Variants in ZFHX3 observed in about 807,000 individuals in gnomAD.
The protein encoded by ZFHX3 is zinc finger homeobox protein 3.
Under a neutral mutation model 279.1 loss-of-function variants are expected in ZFHX3, and 42 were observed. The ratio of observed to expected loss-of-function variants is 0.15; its 90% CI spans 0.12 to 0.19. ZFHX3 has a LOEUF of 0.19. Among genes scored for constraint, ZFHX3 ranks in the 10% least tolerant of loss-of-function variants. The pLI, the probability that ZFHX3 is intolerant of heterozygous loss-of-function variation, is 1.00. For missense variants in ZFHX3, 4,981 were observed against 4,754.0 expected, an observed-to-expected ratio of 1.05 and a Z score of -1.40; for synonymous variants, 2,293 against 1,957.8, an observed-to-expected ratio of 1.17 and a Z score of -4.52.
At chr16:73,205,376 G>A (rs1567417996) in intron 5 of ZFHX3, among the ~76,000 whole-genome samples, 1 of 152,154 alleles carries the variant, frequency 6.6e-6, no homozygotes, top group Non-Finnish European at 1.5e-5. Flanking sequence ...CGCAACACAA[G>A]ACTGATTGTA....
At chr16:73,440,318 T>C (rs990150079) in intron 3 of ZFHX3, among the ~76,000 whole-genome samples, 16 of 152,188 alleles carry the variant, frequency 1.1e-4, no homozygotes, top group African/African-American at 3.9e-4. Context: ...CAAACGAGTG[T>C]GTCCAAGAGG....
intron 2 of ZFHX3, among the ~76,000 whole-genome samples, chr16:73,540,436 G>T (rs2143748128): frequency 6.6e-6 from 1 of 152,238 alleles, no homozygotes; most frequent in East Asian, 1.9e-4. Context: ...AAAGATCCCA[G>T]CTCCTAACTT....
chr16:73,609,481 C>G (rs1344566906), intron 2 of ZFHX3: 1 of 152,112 alleles, frequency 6.6e-6, no homozygotes, highest in African/African-American at 2.4e-5. Flanking sequence ...AGGAGTTTTC[C>G]TTTAGAATGC....
chr16:73,879,359 AT>A (rs924983620), intron 1 of ZFHX3, among the ~76,000 whole-genome samples: 12 of 151,134 alleles, frequency 7.9e-5, no homozygotes, highest in African/African-American at 2.9e-4. Context: ...ATATGTTCTT[AT>A]GCGGTATGGG....
intron 4 of ZFHX3, among the ~76,000 whole-genome samples, chr16:72,858,478 C>T (rs1041100763): frequency 6.6e-5 from 10 of 152,218 alleles, no homozygotes; most frequent in African/African-American, 1.7e-4. Flanking sequence ...AAGAGAGAGT[C>T]GACTGCACTT....
Position 72,785,498 on chromosome 16 carries a change from GT to G in ZFHX3, c.*1665del, listed in dbSNP as rs944154351. The G allele has an allele frequency of 6.6e-6, 1 of 152,514 alleles. No individual in the cohort carries two copies. Among genetic ancestry groups the G allele is most frequent in the Non-Finnish European group, 1.5e-5 (1 of 68,000 alleles). 9.4% of individuals were successfully genotyped at this position (152,514 alleles called of 1,614,324 possible). ...GCACATAACAACCTGGGAATCTTTT[GT>G]TTTTCTCTTTCTTTTATTAAACTAA... On this transcript the variant is annotated 3_prime_UTR_variant, in exon 10 of 10. Coordinates refer to ENST00000268489, the MANE Select transcript of ZFHX3 (RefSeq NM_006885.4).
chr16:73,682,322 A>C (rs2053018653), intron 1 of ZFHX3, among the ~76,000 whole-genome samples: 1 of 152,150 alleles, frequency 6.6e-6, no homozygotes, highest in South Asian at 2.1e-4. Flanking sequence ...AATAAAATAC[A>C]TTTTCTTATA....
chr16:73,577,544 A>G (rs953443275), intron 2 of ZFHX3, among the ~76,000 whole-genome samples: 11 of 152,168 alleles, frequency 7.2e-5, no homozygotes, highest in Non-Finnish European at 1.5e-5. Context: ...GTTTTAATTA[A>G]TCACTTCCGC....
chr16:73,068,697 G>A (rs1965786470), intron 8 of ZFHX3, among the ~76,000 whole-genome samples: 1 of 152,218 alleles, frequency 6.6e-6, no homozygotes, highest in Non-Finnish European at 1.5e-5. Flanking sequence ...AGGAAGGGAT[G>A]ATCAGATGAC....
At chr16:72,841,579 T>A (rs937368182) in intron 4 of ZFHX3, among the ~76,000 whole-genome samples, 7 of 152,128 alleles carry the variant, frequency 4.6e-5, no homozygotes, top group Non-Finnish European at 8.8e-5. Context: ...GAAACGGTCT[T>A]TTGCTAGGGT....
Position 72,797,052 on chromosome 16 carries a change from T to C in ZFHX3, c.5630A>G (p.Lys1877Arg). 6.2e-7 allele frequency: 1 copy of C among 1,614,132 alleles called. No individual in the cohort carries two copies. Among genetic ancestry groups the C allele is most frequent in the Non-Finnish European group, 8.5e-7 (1 of 1,180,030 alleles). ...LLQPSQHPEK[K>R]NKLVIKEKEK... ...CTTTTCTTTGATGACCAATTTGTTC[T>C]TCTTTTCGGGGTGCTGGCTTGGCTG... is the stretch of plus-strand genomic sequence containing the variant. Residue 1877 changes from lysine (K) to arginine (R), a missense_variant, in exon 9 of 10, where the codon AAG becomes AGG. Lys to Arg is a conservative substitution (Grantham distance 26, BLOSUM62 2). Coordinates refer to ENST00000268489, the MANE Select transcript of ZFHX3 (RefSeq NM_006885.4).
At chr16:73,536,045 T>C (rs2019896455) in intron 2 of ZFHX3, among the ~76,000 whole-genome samples, 1 of 152,036 alleles carries the variant, frequency 6.6e-6, no homozygotes, top group African/African-American at 2.4e-5. Context: ...TTAATACAAA[T>C]TTTCTATCAC....
At chr16:72,808,546 T>C (rs1429048396) in intron 7 of ZFHX3, among the ~76,000 whole-genome samples, 1 of 152,246 alleles carries the variant, frequency 6.6e-6, no homozygotes, top group African/African-American at 2.4e-5. Flanking sequence ...TTCAACTTTA[T>C]TCCTGAATCC....
chr16:73,261,429 T>G (rs1488810095), intron 4 of ZFHX3, among the ~76,000 whole-genome samples: 1 of 152,182 alleles, frequency 6.6e-6, no homozygotes, highest in Non-Finnish European at 1.5e-5. Flanking sequence ...GGGAAGATGA[T>G]GTTTACTATG....
Position 72,797,048 on chromosome 16 carries a change from GTTC to G in ZFHX3, c.5631_5633del (p.Lys1877del), listed in dbSNP as rs1471864455. 2 of 1,613,930 alleles carry G rather than the reference GTTC, an allele frequency of 1.2e-6. No homozygotes were observed. The highest frequency in any genetic ancestry group is 1.7e-5 in the Admixed American group (1 of 59,990). ...TTTCCTTTTCTTTGATGACCAATTT[GTTC>G]TTCTTTTCGGGGTGCTGGCTTGGCT... On this transcript the variant is annotated inframe_deletion, in exon 9 of 10. Coordinates refer to ENST00000268489, the MANE Select transcript of ZFHX3 (RefSeq NM_006885.4).
chr16:73,776,287 C>A (rs1039894573), intron 1 of ZFHX3, among the ~76,000 whole-genome samples: 1 of 152,058 alleles, frequency 6.6e-6, no homozygotes, highest in African/African-American at 2.4e-5. Context: ...GTTAGGGTCC[C>A]GTCTTTATGT....
chr16:73,556,817 C>T (rs1004093564), intron 2 of ZFHX3, among the ~76,000 whole-genome samples: 8 of 151,566 alleles, frequency 5.3e-5, no homozygotes, highest in African/African-American at 1.2e-4. Flanking sequence ...TCAGTGAGGC[C>T]GGGCGCGGTG....
chr16:73,668,946 T>G lies in ZFHX3; in HGVS notation c.-1547+11234A>C, dbSNP rs1365146315. Among the ~76,000 whole-genome samples the G allele has an allele frequency of 2.0e-5, 3 of 152,306 alleles. No individual in the cohort carries two copies. In the East Asian group the frequency reaches 5.8e-4, roughly 29 times the overall value. ...TGGAGAAATAGGAATACTTTTAAAC[T>G]GTTGGTGGAGTATAAATTAGTTCAA... is the stretch of plus-strand genomic sequence containing the variant. On this transcript the variant is annotated intron_variant, in intron 2 of 17. Transcript: ENST00000641206.
intron 4 of ZFHX3, among the ~76,000 whole-genome samples, chr16:73,261,811 G>C (rs1019269328): frequency 1.3e-5 from 2 of 151,910 alleles, no homozygotes; most frequent in Admixed American, 6.6e-5. Flanking sequence ...GAGTAGCTGG[G>C]ATTACAGGGA....
Sources: gnomAD v4.1 joint callset for allele counts (sites outside exome capture counted in the v4.1 genomes callset) on GRCh38, gnomAD v4.1.1 for gene constraint, MANE v1.5 for transcripts, NCBI Gene and HGNC (gene_info 2026-07-23, HGNC 2026-07-21) for gene names.